The following AFAP1L2 variants were observed in gnomAD, a reference collection of about 807,000 sequenced individuals.
AFAP1L2 encodes actin filament associated protein 1 like 2.
Under a neutral mutation model 99.3 loss-of-function variants are expected in AFAP1L2, and 46 were observed. That is an observed-to-expected ratio of 0.46 (90% CI 0.37 to 0.59). The LOEUF (loss-of-function observed/expected upper bound fraction) is 0.59, where lower values mean the gene tolerates loss of function less well. Ranked by LOEUF, AFAP1L2 falls within the 20% of genes least tolerant of loss-of-function variation. The pLI, the probability that AFAP1L2 is intolerant of heterozygous loss-of-function variation, is 0.00. For missense variants in AFAP1L2, 959 were observed against 1,034.9 expected (o/e 0.93, Z 1.01); for synonymous variants, 397 against 419.1 (o/e 0.95, Z 0.64).
chr10:114,351,484 T>C (rs375925525), intron 1 of AFAP1L2, among the ~76,000 whole-genome samples: 1 of 152,188 alleles, frequency 6.6e-6, no homozygotes, highest in East Asian at 1.9e-4. Context: ...GTCGGGACCT[T>C]TTCATCCTGT....
At chr10:114,366,860 CAG>C in intron 1 of AFAP1L2, among the ~76,000 whole-genome samples, 1 of 152,230 alleles carries the variant, frequency 6.6e-6, no homozygotes, top group African/African-American at 2.4e-5. Flanking sequence ...CTCAGCTACT[CAG>C]GGGGCTGAGG....
intron 1 of AFAP1L2, among the ~76,000 whole-genome samples, chr10:114,367,733 G>A (rs1225763457): frequency 6.6e-6 from 1 of 152,194 alleles, no homozygotes; most frequent in Admixed American, 6.5e-5. Flanking sequence ...GGCAGAACGG[G>A]CAGAGGGGGT....
intron 1 of AFAP1L2, among the ~76,000 whole-genome samples, chr10:114,395,172 G>A (rs929748592): frequency 6.6e-6 from 1 of 152,128 alleles, no homozygotes; most frequent in Non-Finnish European, 1.5e-5. Flanking sequence ...AGCCACAGAG[G>A]GCTTCTGTTA....
the AFAP1L2 span, among the ~76,000 whole-genome samples, chr10:114,284,179 C>A: frequency 6.6e-6 from 1 of 152,226 alleles, no homozygotes; most frequent in Non-Finnish European, 1.5e-5. Flanking sequence ...GCTGTGGTTT[C>A]CCATGTAAAC....
chr10:114,315,901 C>T (rs994706741), intron 5 of AFAP1L2, 136 bp from the exon 6 acceptor site: 2 of 864,498 alleles, frequency 2.3e-6, no homozygotes, highest in East Asian at 5.4e-5. Flanking sequence ...TCAAAGCAGC[C>T]CCACAGCCAG....
chr10:114,349,204 C>T (rs2050058663), intron 1 of AFAP1L2, among the ~76,000 whole-genome samples: 1 of 151,606 alleles, frequency 6.6e-6, no homozygotes, highest in Admixed American at 6.6e-5. Context: ...ATGGCAAAAC[C>T]CCGCCTCTAC....
chr10:114,315,794 C>A (rs1393017961), intron 5 of AFAP1L2, 29 bp from the exon 6 acceptor site: 2 of 1,588,076 alleles, frequency 1.3e-6, no homozygotes, highest in South Asian at 1.1e-5. Context: ...CGGTCAGGGC[C>A]CCATGGGGCA....
At chr10:114,325,215 A>G (rs983193320) in intron 4 of AFAP1L2, among the ~76,000 whole-genome samples, 1 of 152,342 alleles carries the variant, frequency 6.6e-6, no homozygotes, top group Admixed American at 6.5e-5. Context: ...TGAAAATTCA[A>G]TGAGACAAAA....
downstream of AFAP1L2, chr10:114,290,299 G>A (rs45560935): frequency 6.4e-6 from 10 of 1,550,480 alleles, no homozygotes; most frequent in Admixed American, 2.0e-5. Context: ...GGGCAGCTGC[G>A]TCCTGCAGAA....
chr10:114,302,554 G>C, intron 11 of AFAP1L2, 70 bp from the exon 12 acceptor site: 3 of 1,592,116 alleles, frequency 1.9e-6, no homozygotes, highest in Non-Finnish European at 2.6e-6. Context: ...CTCCCCACCA[G>C]GCCATGACCG....
At position 114,297,241 on chromosome 10, in the gene AFAP1L2, G is replaced by A. The variant is rs140286473; in HGVS notation, c.2286C>T (p.His762=). Residue 762 remains histidine (H), a synonymous_variant, in exon 17 of 19, where the codon CAC becomes CAT. Coordinates refer to ENST00000304129, the MANE Select transcript of AFAP1L2 (RefSeq NM_001001936.3). ...TCACGCGGGGGCTCACATTCTCCAG[G>A]TGGGTGGTGTCCACGGTGGTGCCTA... ...VTLGTTVDTT[H]LENVSPRPKA... is the part of the protein sequence containing the mutation. 4.8e-3 allele frequency: 7,754 copies of A among 1,613,760 alleles called. 24 individuals carry two copies. The highest frequency in any genetic ancestry group is 6.1e-3 in the Non-Finnish European group (7,187 of 1,179,872).
At chr10:114,305,643 A>AGATGCAGATGCAGGAGGG (rs2042149033) in intron 10 of AFAP1L2, among the ~76,000 whole-genome samples, 5 of 33,752 alleles carry the variant, frequency 1.5e-4, no homozygotes, top group Admixed American at 6.1e-4. Context: ...ATGCAGGAGG[A>AGATGCAGATGCAGGAGGG]GATGCAGATG....
At chr10:114,382,902 G>A (rs1296763130) in intron 1 of AFAP1L2, among the ~76,000 whole-genome samples, 1 of 152,062 alleles carries the variant, frequency 6.6e-6, no homozygotes, top group Non-Finnish European at 1.5e-5. Flanking sequence ...GCAATATTAT[G>A]TATATTTCAA....
intron 1 of AFAP1L2, among the ~76,000 whole-genome samples, chr10:114,343,637 G>C (rs1176695652): frequency 6.6e-6 from 1 of 152,242 alleles, no homozygotes; most frequent in Non-Finnish European, 1.5e-5. Flanking sequence ...TTTGCACAAA[G>C]AGCATGGGTC....
intron 1 of AFAP1L2, among the ~76,000 whole-genome samples, chr10:114,393,814 C>T (rs1006521587): frequency 6.6e-6 from 1 of 152,232 alleles, no homozygotes; most frequent in African/African-American, 2.4e-5. Flanking sequence ...CTCAGAAGGG[C>T]GGGAGATGGG....
At position 114,301,395 on chromosome 10, in the gene AFAP1L2, C is replaced by T. The variant is rs2041162231; in HGVS notation, c.1501G>A (p.Glu501Lys). The T allele has an allele frequency of 6.2e-7, 1 of 1,614,248 alleles. No homozygotes were observed. The highest frequency in any genetic ancestry group is 8.5e-7 in the Non-Finnish European group (1 of 1,180,036). ...GACAGGTCCACGTCGTCATACAGCTCCTCCTGGCGGTCCTGGCTAGGCAGG... is the reference window on the plus strand; with the variant it reads ...GACAGGTCCACGTCGTCATACAGCTTCTCCTGGCGGTCCTGGCTAGGCAGG... The part of the protein sequence containing the change: ...DGLPSQDRQE[E>K]LYDDVDLSEL... Residue 501 changes from glutamate to lysine, a missense_variant, in exon 13 of 19, where the codon GAG becomes AAG. Around this residue, in one of 2 missense-constraint regions of AFAP1L2, gnomAD observed 576 missense variants for 562.1 expected, o/e 1.02. Transcript: ENST00000304129.
chr10:114,286,939 CACAT>C, the AFAP1L2 span, among the ~76,000 whole-genome samples: 3 of 152,208 alleles, frequency 2.0e-5, no homozygotes, highest in Non-Finnish European at 4.4e-5. Flanking sequence ...CATGTATGCA[CACAT>C]ACACACACGG....
At chr10:114,391,647 C>T (rs913143310) in intron 1 of AFAP1L2, among the ~76,000 whole-genome samples, 4 of 152,310 alleles carry the variant, frequency 2.6e-5, no homozygotes, top group Admixed American at 6.5e-5. Flanking sequence ...TCAACAGACA[C>T]AATGACCACG....
chr10:114,317,045 A>C (rs2044250882), intron 5 of AFAP1L2, among the ~76,000 whole-genome samples: 1 of 152,142 alleles, frequency 6.6e-6, no homozygotes, highest in Non-Finnish European at 1.5e-5. Flanking sequence ...CATTCCCATG[A>C]CACCCTTCAG....
Sources: gnomAD v4.1 joint callset for allele counts (sites outside exome capture counted in the v4.1 genomes callset) on GRCh38, gnomAD v4.1.1 for gene constraint, gnomAD v4.1.1 regional missense constraint, MANE v1.5 for transcripts, NCBI Gene and HGNC (gene_info 2026-07-23, HGNC 2026-07-21) for gene names.